Variants in VCAN observed in about 807,000 individuals in gnomAD.
VCAN encodes versican.
Under a neutral mutation model 245.5 loss-of-function variants are expected in VCAN, and 44 were observed. That is an observed-to-expected ratio of 0.18 (90% CI 0.14 to 0.23). VCAN has a LOEUF of 0.23. VCAN is among the 10% of genes least tolerant of loss of function. VCAN has a pLI of 1.00. For missense variants in VCAN, 3,793 were observed against 4,057.9 expected, an observed-to-expected ratio of 0.93 and a Z score of 1.77; for synonymous variants, 1,413 against 1,437.0, an observed-to-expected ratio of 0.98 and a Z score of 0.38.
intron 12 of VCAN, among the ~76,000 whole-genome samples, chr5:83,557,945 ACT>A (rs1353660094): frequency 2.0e-5 from 3 of 151,864 alleles, no homozygotes; most frequent in African/African-American, 7.3e-5. Context: ...TCCAGAAAAA[ACT>A]CTGACAGACC....
chr5:83,487,953 G>A (rs1252020410), intron 2 of VCAN, among the ~76,000 whole-genome samples: 1 of 152,126 alleles, frequency 6.6e-6, no homozygotes, highest in African/African-American at 2.4e-5. Flanking sequence ...TAAAAGACAT[G>A]ATAAAGAGTT....
chr5:83,541,589 G>T lies in VCAN; in HGVS notation c.8586G>T (p.Gln2862His), dbSNP rs1362982915. The T allele has an allele frequency of 6.2e-7, 1 of 1,613,838 alleles. No homozygotes were observed. The highest frequency in any genetic ancestry group is 8.5e-7 in the Non-Finnish European group (1 of 1,179,992). Residue 2862 changes from glutamine (Q) to histidine (H), a missense_variant, in exon 8 of 15, where the codon CAG becomes CAT. Transcript: ENST00000265077. ...TCGGCTCATCTGTAATGTCCCCACA[G>T]GATTCTTTTAAGGAAATTCATGTAA... ...IDVGSSVMSPQDSFKEIHVNI... is the reference protein window; with the variant it reads ...IDVGSSVMSPHDSFKEIHVNI...
chr5:83,542,286 A>T lies in VCAN; in HGVS notation c.9265+18A>T. 2.5e-6 allele frequency: 4 copies of T among 1,608,290 alleles called. No individual in the cohort carries two copies. Among genetic ancestry groups the T allele is most frequent in the Non-Finnish European group, 3.4e-6 (4 of 1,178,636 alleles). ...TTTACCAGGTAAGATCACAACATTG[A>T]TAAATCTGTTTCCAAACCTGGAAAC... is the stretch of plus-strand genomic sequence containing the variant. On this transcript the variant is annotated intron_variant, in intron 8 of 14. Transcript: ENST00000265077.
intron 5 of VCAN, among the ~76,000 whole-genome samples, chr5:83,504,175 G>A (rs28535103): frequency 0.06 from 9,110 of 151,998 alleles, 875 homozygotes; most frequent in African/African-American, 0.2. Context: ...CATGTCTCCC[G>A]TTTCTTCTAG....
In VCAN at chr5:83,495,911, C is replaced by T. The variant is rs116509685; in HGVS notation, c.748+1980C>T. 6.1e-3 allele frequency among the ~76,000 whole-genome samples: 936 copies of T among 152,222 alleles called. 7 individuals are homozygous for T. The highest frequency in any genetic ancestry group is 0.022 in the African/African-American group (894 of 41,512). On this transcript the variant is annotated intron_variant, in intron 5 of 14. Coordinates refer to ENST00000265077, the MANE Select transcript of VCAN (RefSeq NM_004385.5). ...CCACCAGCCAGAGAGCCCTAGAGAC[C>T]CCCCGTGTGTTTGTTTTTGAGTTTA... is the stretch of plus-strand genomic sequence containing the variant.
chr5:83,514,438 G>A (rs1745776304), intron 6 of VCAN, among the ~76,000 whole-genome samples: 1 of 150,354 alleles, frequency 6.7e-6, no homozygotes, highest in Non-Finnish European at 1.5e-5. Flanking sequence ...ATGTGTGTGT[G>A]TGTGTGTGTG....
chr5:83,479,373 C>G (rs1744533669), intron 1 of VCAN, among the ~76,000 whole-genome samples: 1 of 152,002 alleles, frequency 6.6e-6, no homozygotes, highest in African/African-American at 2.4e-5. Flanking sequence ...CCTGGTGTGT[C>G]CCTTATCCTC....
rs373873922 is a variant in VCAN, at chr5:83,575,961, G to A, written c.9880+3401G>A. Among the ~76,000 whole-genome samples the A allele has an allele frequency of 3.9e-5, 6 of 152,018 alleles. No homozygotes were observed. The South Asian group carries it at 1.2e-3, about 32-fold the overall frequency. On this transcript the variant is annotated intron_variant, in intron 13 of 14. Transcript: ENST00000265077. ...CAATTCTTTACTAATCAGAACTCTG[G>A]GGAAGTTTTTAAATGTTTATAGGCT...
chr5:83,548,274 C>G (rs1747312560), intron 10 of VCAN, among the ~76,000 whole-genome samples, 190 bp downstream of exon 10: 1 of 152,132 alleles, frequency 6.6e-6, no homozygotes, highest in Admixed American at 6.6e-5. Context: ...ATTGGAATTG[C>G]AGGCAGGCAA....
chr5:83,512,529 A>G (rs1483119648), intron 6 of VCAN, 133 bp downstream of exon 6: 9 of 1,218,748 alleles, frequency 7.4e-6, no homozygotes, highest in Admixed American at 2.6e-5. Flanking sequence ...CAGTTCAGTG[A>G]TTTTCAAAAG....
In VCAN at chr5:83,540,579, G is replaced by A. The variant is rs1180098173; in HGVS notation, c.7576G>A (p.Glu2526Lys). 1.2e-6 allele frequency: 2 copies of A among 1,613,858 alleles called. No individual in the cohort carries two copies. Among genetic ancestry groups the A allele is most frequent in the East Asian group, 4.5e-5 (2 of 44,840 alleles). The change falls in exon 8 of 15, where the codon GAA becomes AAA. Residue 2526 changes from glutamate (E) to lysine (K), a missense_variant. This residue lies in a region of VCAN where 3,182 missense variants were observed against 3,250.3 expected (regional missense o/e 0.98). Transcript: ENST00000265077. ...TDGSFQDRFR[E>K]FEDSTLKPNR... is the part of the protein sequence containing the mutation. ...CGGTAGTTTCCAAGACCGTTTCAGG[G>A]AATTCGAGGATTCCACCTTAAAACC...
intron 6 of VCAN, among the ~76,000 whole-genome samples, chr5:83,516,630 GTGT>G (rs1217444765): frequency 1.3e-5 from 2 of 152,236 alleles, no homozygotes; most frequent in African/African-American, 4.8e-5. Context: ...GAAAAGAATC[GTGT>G]TGATTTATGT....
intron 13 of VCAN, among the ~76,000 whole-genome samples, chr5:83,573,257 A>G (rs1230285510): frequency 2.0e-5 from 3 of 152,116 alleles, no homozygotes; most frequent in Non-Finnish European, 4.4e-5. Flanking sequence ...AACAGTTAAA[A>G]ATTAGGCTAT....
intron 6 of VCAN, 29 bp from the exon 7 acceptor site, chr5:83,519,320 T>C: frequency 6.2e-7 from 1 of 1,612,136 alleles, no homozygotes; most frequent in Non-Finnish European, 8.5e-7. Flanking sequence ...GTGACTTGTC[T>C]AATCAACTCT....
At chr5:83,515,244 G>A (rs1312303560) in intron 6 of VCAN, among the ~76,000 whole-genome samples, 2 of 152,302 alleles carry the variant, frequency 1.3e-5, no homozygotes, top group South Asian at 2.1e-4. Flanking sequence ...AGCAAGTTCT[G>A]TGAAAGTTGG....
At chr5:83,524,297 G>A (rs1299337617) in intron 7 of VCAN, among the ~76,000 whole-genome samples, 2 of 152,122 alleles carry the variant, frequency 1.3e-5, no homozygotes, top group African/African-American at 4.8e-5. Context: ...AGCTAGACCT[G>A]GGAGACGTAT....
chr5:83,475,805 C>T (rs1337420726), intron 1 of VCAN, among the ~76,000 whole-genome samples: 2 of 152,078 alleles, frequency 1.3e-5, no homozygotes, highest in South Asian at 2.1e-4. Context: ...AGGTAGGAAG[C>T]GGGATGAGAT....
At chr5:83,525,044 TTG>T (rs1170201828) in intron 7 of VCAN, among the ~76,000 whole-genome samples, 20 of 134,090 alleles carry the variant, frequency 1.5e-4, no homozygotes, top group African/African-American at 5.7e-4. Flanking sequence ...CATATAAATC[TTG>T]TTTTTTTTTT....
chr5:83,512,506 C>T, intron 6 of VCAN, 110 bp downstream of exon 6: 1 of 1,323,774 alleles, frequency 7.6e-7, no homozygotes, highest in East Asian at 2.5e-5. Context: ...GCAGTGTGTG[C>T]ACGGAATGGA....
Sources: allele counts gnomAD v4.1 joint callset (sites outside exome capture counted in the v4.1 genomes callset), GRCh38; gene constraint gnomAD v4.1.1; regional missense constraint gnomAD v4.1.1; transcripts MANE v1.5; gene names NCBI Gene and HGNC (gene_info 2026-07-23, HGNC 2026-07-21).